Variants in CTNNA2 observed in about 807,000 individuals in gnomAD.
CTNNA2 encodes catenin alpha 2.
CTNNA2 carries 42 observed loss-of-function variants against 101.0 expected under a neutral mutation model. The observed-to-expected ratio is 0.42, with a 90% CI of 0.32 to 0.54. The LOEUF is 0.54. CTNNA2 is among the 20% of genes least tolerant of loss of function. The probability of loss-of-function intolerance (pLI) is 0.14; values close to 1 mark genes in which losing one functional copy is unlikely to be tolerated. For synonymous variants in CTNNA2, 450 were observed against 456.4 expected, an observed-to-expected ratio of 0.99 and a Z score of 0.18; for missense variants, 871 against 1,223.1, an observed-to-expected ratio of 0.71 and a Z score of 4.29.
At chr2:79,847,559 A>AG (rs1409134987) in intron 3 of CTNNA2, among the ~76,000 whole-genome samples, 5 of 150,442 alleles carry the variant, frequency 3.3e-5, no homozygotes, top group Non-Finnish European at 7.4e-5. Context: ...AAAAAAAAAA[A>AG]AAAAAAAAAA....
intron 7 of CTNNA2, among the ~76,000 whole-genome samples, chr2:80,144,719 AT>A (rs559231182): frequency 8.9e-4 from 135 of 152,286 alleles, no homozygotes; most frequent in South Asian, 3.5e-3. Flanking sequence ...GAGCTGAGAT[AT>A]TTTGCCTTAA....
intron 1 of CTNNA2, among the ~76,000 whole-genome samples, chr2:79,612,535 C>T (rs898393483): frequency 3.9e-5 from 6 of 152,012 alleles, no homozygotes; most frequent in Non-Finnish European, 5.9e-5. Flanking sequence ...AATACAATGC[C>T]GTACACTTTT....
At chr2:80,189,634 G>A (rs967617908) in intron 7 of CTNNA2, among the ~76,000 whole-genome samples, 1 of 151,456 alleles carries the variant, frequency 6.6e-6, no homozygotes, top group South Asian at 2.1e-4. Context: ...AATTAGCAAA[G>A]ATGTAGAACC....
chr2:79,230,596 C>T (rs1431344506), intron 2 of CTNNA2, among the ~76,000 whole-genome samples: 1 of 152,230 alleles, frequency 6.6e-6, no homozygotes, highest in Non-Finnish European at 1.5e-5. Flanking sequence ...GAAGCCCCCA[C>T]ACAGAGTCCA....
chr2:80,012,748 T>C (rs1008814499), intron 7 of CTNNA2, among the ~76,000 whole-genome samples: 3 of 152,232 alleles, frequency 2.0e-5, no homozygotes, highest in African/African-American at 7.2e-5. Flanking sequence ...CAAAGTTCTC[T>C]TAAACTCCAA....
At chr2:79,431,217 G>C (rs1678656227) in intron 4 of CTNNA2, among the ~76,000 whole-genome samples, 1 of 152,086 alleles carries the variant, frequency 6.6e-6, no homozygotes, top group Non-Finnish European at 1.5e-5. Context: ...GTAATTTCTT[G>C]AACCCACAGT....
chr2:79,628,383 G>A (rs1161476988), intron 1 of CTNNA2, among the ~76,000 whole-genome samples: 2 of 151,922 alleles, frequency 1.3e-5, no homozygotes, highest in Non-Finnish European at 2.9e-5. Flanking sequence ...AACCTGGGAG[G>A]TGGAGGTTGC....
chr2:80,163,802 AATAC>A (rs1704487535), intron 7 of CTNNA2, among the ~76,000 whole-genome samples: 1 of 152,178 alleles, frequency 6.6e-6, no homozygotes, highest in African/African-American at 2.4e-5. Context: ...TCTGGTTTTT[AATAC>A]ATACATATTT....
chr2:79,985,868 A>G (rs1460342085), intron 7 of CTNNA2, among the ~76,000 whole-genome samples: 1 of 152,114 alleles, frequency 6.6e-6, no homozygotes, highest in African/African-American at 2.4e-5. Flanking sequence ...GCAAGTGCAA[A>G]TAGATGCCTG....
At chr2:80,561,709 C>T (rs35022768) in intron 12 of CTNNA2, among the ~76,000 whole-genome samples, 31,070 of 152,066 alleles carry the variant, frequency 0.2, 3,282 homozygotes, top group Middle Eastern at 0.25. Context: ...GTTGCCCAGG[C>T]TGGAGTGCAA....
At chr2:80,029,879 T>C (rs1173211309) in intron 7 of CTNNA2, among the ~76,000 whole-genome samples, 1 of 151,960 alleles carries the variant, frequency 6.6e-6, no homozygotes, top group Non-Finnish European at 1.5e-5. Flanking sequence ...TTAGCAAAAA[T>C]ATCCAGACAC....
rs1043449187 is a variant in CTNNA2 at position 80,475,299 on chromosome 2, A to AT, written c.1290+55704dup. Among the ~76,000 whole-genome samples the AT allele has an allele frequency of 1.9e-4, 29 of 152,186 alleles. 1 individual carries two copies. Among genetic ancestry groups the AT allele is most frequent in the Admixed American group, 2.6e-4 (4 of 15,278 alleles). ...AGCATACTGGGTTTTATATTTTGGC[A>AT]TTTTTTCCCCTTTATTTTTGAGGGT... On this transcript the variant is annotated intron_variant, in intron 9 of 18. Coordinates refer to ENST00000402739, the MANE Select transcript of CTNNA2 (RefSeq NM_001282597.3).
At chr2:80,078,952 A>G (rs914097868) in intron 7 of CTNNA2, among the ~76,000 whole-genome samples, 1 of 152,160 alleles carries the variant, frequency 6.6e-6, no homozygotes, top group Non-Finnish European at 1.5e-5. Context: ...CTTTGAAAGA[A>G]CTGCTGCCAT....
At chr2:80,245,794 C>CTTTTTTTTTTTTTTTTTTTTTTTTTTTTT (rs34625586) in intron 7 of CTNNA2, among the ~76,000 whole-genome samples, 1 of 58,912 alleles carries the variant, frequency 1.7e-5, no homozygotes, top group Non-Finnish European at 2.9e-5. Flanking sequence ...TATGATTTAA[C>CTTTTTTTTTTTTTTTTTTTTTTTTTTTTT]TTTTTTTTTT....
At chr2:80,204,293 C>T (rs907184201) in intron 7 of CTNNA2, among the ~76,000 whole-genome samples, 5 of 152,200 alleles carry the variant, frequency 3.3e-5, no homozygotes, top group African/African-American at 9.6e-5. Flanking sequence ...TTTTCTATTG[C>T]GTTGTCAGGC....
intron 12 of CTNNA2, among the ~76,000 whole-genome samples, chr2:80,571,986 C>A (rs1403354030): frequency 1.3e-5 from 2 of 152,100 alleles, no homozygotes; most frequent in African/African-American, 2.4e-5. Context: ...CAATTACTTA[C>A]CCCTCCTAAT....
At chr2:80,590,395 A>G (rs1320640034) in intron 15 of CTNNA2, among the ~76,000 whole-genome samples, 2 of 152,196 alleles carry the variant, frequency 1.3e-5, no homozygotes, top group Non-Finnish European at 2.9e-5. Context: ...AGTATAAATT[A>G]TGCTGTTATA....
rs551556953 is a variant in CTNNA2 at position 80,002,615 on chromosome 2, G to A, written c.1056+92818G>A. On this transcript the variant is annotated intron_variant, in intron 7 of 18. Transcript: ENST00000402739. ...GATGAAAGAATTCTGTAGACTCGGT[G>A]GGCTGTAGTGGAGAGAATCCTACAC... 3.4e-4 allele frequency among the ~76,000 whole-genome samples: 52 copies of A among 151,900 alleles called. 1 individual carries two copies. Among genetic ancestry groups the A allele is most frequent in the Non-Finnish European group, 2.5e-4 (17 of 67,946 alleles).
chr2:80,139,858 C>T (rs1046651049), intron 7 of CTNNA2, among the ~76,000 whole-genome samples: 23 of 152,148 alleles, frequency 1.5e-4, no homozygotes, highest in African/African-American at 5.5e-4. Context: ...TTTGCTTGCT[C>T]TTGGGTGTTC....
Sources: allele counts gnomAD v4.1 joint callset (sites outside exome capture counted in the v4.1 genomes callset), GRCh38; gene constraint gnomAD v4.1.1; transcripts MANE v1.5; gene names NCBI Gene and HGNC (gene_info 2026-07-23, HGNC 2026-07-21).